PPP2R2B: variants seen among roughly 807,000 people sequenced by gnomAD.
PPP2R2B encodes serine/threonine-protein phosphatase 2A 55 kDa regulatory subunit B beta isoform.
In PPP2R2B, 5 loss-of-function variants were observed where a neutral mutation model predicts 46.0. The ratio of observed to expected loss-of-function variants is 0.11; its 90% CI spans 0.06 to 0.23. The LOEUF is 0.23. PPP2R2B is among the 10% of genes least tolerant of loss of function. PPP2R2B has a pLI of 1.00. For synonymous variants in PPP2R2B, 215 were observed against 206.7 expected (o/e 1.04, Z -0.34); for missense variants, 367 against 575.0 (o/e 0.64, Z 3.70).
chr5:146,988,861 T>C (rs148397318), intron 1 of PPP2R2B, among the ~76,000 whole-genome samples: 3 of 152,026 alleles, frequency 2.0e-5, no homozygotes, highest in Non-Finnish European at 4.4e-5. Context: ...GAATAATCCT[T>C]TAGTTAGGCT....
intron 1 of PPP2R2B, among the ~76,000 whole-genome samples, chr5:146,885,271 G>A (rs978909425): frequency 6.6e-6 from 1 of 152,152 alleles, no homozygotes; most frequent in Non-Finnish European, 1.5e-5. Flanking sequence ...TGAGAGCCTG[G>A]CGCCAACCCA....
At chr5:146,823,570 T>C (rs1758401189) in intron 2 of PPP2R2B, among the ~76,000 whole-genome samples, 1 of 152,148 alleles carries the variant, frequency 6.6e-6, no homozygotes, top group Non-Finnish European at 1.5e-5. Flanking sequence ...ATTTTCCAAG[T>C]AGTTTAATTT....
chr5:146,950,421 C>T (rs1764616696), intron 1 of PPP2R2B, among the ~76,000 whole-genome samples: 2 of 151,906 alleles, frequency 1.3e-5, no homozygotes, highest in South Asian at 4.1e-4. Context: ...TCTACTTATC[C>T]AAAATTATGT....
intron 2 of PPP2R2B, among the ~76,000 whole-genome samples, chr5:146,742,005 T>C (rs974140691): frequency 2.0e-5 from 3 of 152,340 alleles, no homozygotes; most frequent in African/African-American, 7.2e-5. Flanking sequence ...CCCATTAGAC[T>C]ATCTTCTTGT....
At chr5:146,819,400 G>A (rs1758122695) in intron 2 of PPP2R2B, among the ~76,000 whole-genome samples, 1 of 152,158 alleles carries the variant, frequency 6.6e-6, no homozygotes, top group Admixed American at 6.5e-5. Flanking sequence ...ACTGGGGTGG[G>A]ATGGGAGTAT....
chr5:146,752,541 G>A (rs1753619297), intron 2 of PPP2R2B, among the ~76,000 whole-genome samples: 1 of 152,160 alleles, frequency 6.6e-6, no homozygotes, highest in Non-Finnish European at 1.5e-5. Context: ...TGCCATGTCT[G>A]CTTAGTTTAT....
intron 2 of PPP2R2B, among the ~76,000 whole-genome samples, chr5:146,793,446 A>G (rs1756336604): frequency 6.6e-6 from 1 of 152,214 alleles, no homozygotes; most frequent in Non-Finnish European, 1.5e-5. Context: ...TAATAAAGGG[A>G]GAATTGTACA....
intron 7 of PPP2R2B, among the ~76,000 whole-genome samples, chr5:146,626,735 T>C (rs1419541729): frequency 6.6e-6 from 1 of 152,186 alleles, no homozygotes; most frequent in Non-Finnish European, 1.5e-5. Context: ...ATTCTGCATG[T>C]CTTGGGGGCT....
chr5:147,019,371 C>CA (rs1185918910), intron 1 of PPP2R2B, among the ~76,000 whole-genome samples: 1 of 152,040 alleles, frequency 6.6e-6, no homozygotes, highest in Non-Finnish European at 1.5e-5. Context: ...TTTTATCAAC[C>CA]AAAACAGAAG....
chr5:147,015,729 C>T (rs1357797028), intron 1 of PPP2R2B, among the ~76,000 whole-genome samples: 1 of 149,982 alleles, frequency 6.7e-6, no homozygotes, highest in Non-Finnish European at 1.5e-5. Flanking sequence ...AATAAGAATG[C>T]TAATATAGTT....
intron 2 of PPP2R2B, among the ~76,000 whole-genome samples, chr5:146,864,534 T>G (rs937259581): frequency 6.6e-6 from 1 of 152,010 alleles, no homozygotes; most frequent in African/African-American, 2.4e-5. Context: ...TACTCACCAG[T>G]TTGAAGAAAA....
chr5:146,814,202 A>T (rs1465758417), intron 2 of PPP2R2B, among the ~76,000 whole-genome samples: 1 of 151,942 alleles, frequency 6.6e-6, no homozygotes, highest in African/African-American at 2.4e-5. Flanking sequence ...AAAAAAAAAA[A>T]AAAACCCTCC....
In PPP2R2B at chr5:146,827,118, G is replaced by A. The variant is rs1364918319; in HGVS notation, c.70+50884C>T. ...TACTTTTTCTGTCATAATCAATACC[G>A]TATCCTTGGGACCAAGGATATCATA... On this transcript the variant is annotated intron_variant, in intron 2 of 9. Coordinates refer to ENST00000394411, the MANE Select transcript of PPP2R2B (RefSeq NM_181675.4). 3.9e-5 allele frequency among the ~76,000 whole-genome samples: 6 copies of A among 152,068 alleles called. 1 individual carries two copies. The East Asian group carries it at 5.8e-4, about 15-fold the overall frequency.
chr5:147,005,102 G>T (rs547850913), intron 1 of PPP2R2B, among the ~76,000 whole-genome samples: 1 of 152,114 alleles, frequency 6.6e-6, no homozygotes, highest in Non-Finnish European at 1.5e-5. Context: ...TATGTGTGAG[G>T]CCCTCAACCC....
intron 1 of PPP2R2B, among the ~76,000 whole-genome samples, chr5:147,013,093 G>C (rs1754824377): frequency 6.7e-6 from 1 of 149,790 alleles, no homozygotes; most frequent in Non-Finnish European, 1.5e-5. Context: ...ACCAACAACA[G>C]ACAAACAGAG....
At chr5:147,023,570 A>T (rs1755387503) in intron 1 of PPP2R2B, among the ~76,000 whole-genome samples, 3 of 152,220 alleles carry the variant, frequency 2.0e-5, no homozygotes, top group Non-Finnish European at 4.4e-5. Flanking sequence ...CATAAGAGGG[A>T]TATCTTAGTA....
chr5:146,702,205 A>G (rs1234881332), intron 2 of PPP2R2B, among the ~76,000 whole-genome samples: 1 of 152,152 alleles, frequency 6.6e-6, no homozygotes, highest in Non-Finnish European at 1.5e-5. Context: ...CTGATCTCAA[A>G]TCTTACTTTT....
At chr5:146,787,292 A>C (rs2151290003) in intron 2 of PPP2R2B, among the ~76,000 whole-genome samples, 1 of 152,334 alleles carries the variant, frequency 6.6e-6, no homozygotes, top group South Asian at 2.1e-4. Flanking sequence ...ACTCCAGCTA[A>C]CTGTGGTCAT....
chr5:146,652,144 C>T (rs1291886721), intron 5 of PPP2R2B, among the ~76,000 whole-genome samples: 44 of 152,124 alleles, frequency 2.9e-4, no homozygotes, highest in South Asian at 2.1e-4. Flanking sequence ...TGTGTGGCAG[C>T]GAATGGGAGA....
Sources: gnomAD v4.1 joint callset for allele counts (sites outside exome capture counted in the v4.1 genomes callset) on GRCh38, gnomAD v4.1.1 for gene constraint, MANE v1.5 for transcripts, NCBI Gene and HGNC (gene_info 2026-07-23, HGNC 2026-07-21) for gene names.